Variants in GRM7 observed in about 807,000 individuals in gnomAD.
GRM7 encodes the protein glutamate metabotropic receptor 7, also known as metabotropic glutamate receptor 7.
A neutral mutation model predicts 84.5 loss-of-function variants in GRM7; 35 were observed. That is an observed-to-expected ratio of 0.41 (90% confidence interval 0.32 to 0.55). The LOEUF (loss-of-function observed/expected upper bound fraction) is 0.55. GRM7 is among the 20% of genes least tolerant of loss of function. The pLI is 0.19. For synonymous variants in GRM7, 487 were observed against 455.1 expected (o/e 1.07, Z -0.89); for missense variants, 1,003 against 1,194.6 (o/e 0.84, Z 2.36).
At chr3:7,154,494 G>A (rs1056884643) in intron 2 of GRM7, among the ~76,000 whole-genome samples, 3 of 152,052 alleles carry the variant, frequency 2.0e-5, no homozygotes, top group Admixed American at 2.0e-4. Flanking sequence ...AAATTTGAGA[G>A]GGTATGAAAA....
chr3:7,291,542 CT>C (rs1231787714), intron 2 of GRM7, among the ~76,000 whole-genome samples: 4 of 99,484 alleles, frequency 4.0e-5, no homozygotes, highest in South Asian at 3.1e-4. Context: ...CTCTCTCTCT[CT>C]CTCTCTCTCT....
chr3:7,120,260 A>G (rs1259459223), intron 1 of GRM7, among the ~76,000 whole-genome samples: 1 of 152,118 alleles, frequency 6.6e-6, no homozygotes, highest in Non-Finnish European at 1.5e-5. Flanking sequence ...AGAGATGTAT[A>G]GGAGACTAAA....
At chr3:6,909,630 G>T (rs563257204) in intron 1 of GRM7, among the ~76,000 whole-genome samples, 3 of 151,968 alleles carry the variant, frequency 2.0e-5, no homozygotes, top group Admixed American at 6.6e-5. Context: ...ATATAAAAAA[G>T]AAATGATTTA....
At chr3:7,583,308 CAGAT>C (rs1695351677) in intron 8 of GRM7, among the ~76,000 whole-genome samples, 1 of 152,176 alleles carries the variant, frequency 6.6e-6, no homozygotes, top group Admixed American at 6.5e-5. Context: ...CTGCATGTAA[CAGAT>C]AGCCCCTCAG....
intron 1 of GRM7, among the ~76,000 whole-genome samples, chr3:6,883,194 CTGTT>C (rs1380942649): frequency 2.6e-5 from 4 of 151,914 alleles, no homozygotes; most frequent in South Asian, 2.1e-4. Context: ...TATTTATTGA[CTGTT>C]TGTATTTCTT....
intron 8 of GRM7, among the ~76,000 whole-genome samples, chr3:7,624,483 C>A (rs560585197): frequency 0.02 from 2,975 of 152,276 alleles, 31 homozygotes; most frequent in Non-Finnish European, 0.032. Flanking sequence ...CCTGATAATA[C>A]AGGAATTTCC....
intron 1 of GRM7, among the ~76,000 whole-genome samples, chr3:7,099,537 A>G (rs187377186): frequency 4.7e-5 from 7 of 147,486 alleles, no homozygotes; most frequent in African/African-American, 1.5e-4. Context: ...CGCATTATAC[A>G]TGTACACATA....
chr3:7,547,270 A>G (rs1365555486), intron 7 of GRM7, among the ~76,000 whole-genome samples: 8 of 133,886 alleles, frequency 6.0e-5, no homozygotes, highest in South Asian at 4.6e-4. Flanking sequence ...GCAGTGGCGT[A>G]ATCTCGCCTC....
At chr3:7,385,120 G>A (rs1156385755) in intron 4 of GRM7, among the ~76,000 whole-genome samples, 1 of 151,910 alleles carries the variant, frequency 6.6e-6, no homozygotes, top group Non-Finnish European at 1.5e-5. Context: ...AACTTGATAA[G>A]CCTTTCTCAT....
At chr3:7,109,389 G>A (rs1019331250) in intron 1 of GRM7, among the ~76,000 whole-genome samples, 5 of 152,092 alleles carry the variant, frequency 3.3e-5, no homozygotes, top group Non-Finnish European at 5.9e-5. Context: ...CAAACTCTGC[G>A]TCAACTCTGA....
rs185764612 is a variant in GRM7 at position 7,558,642 on chromosome 3, T to G, written c.1516-19780T>G. ...TTAATAAGACAATTAGGGGTCCACA[T>G]ATTTTAGTAAATAATATTGCCTAAA... On this transcript the variant is annotated intron_variant, in intron 7 of 9. Coordinates refer to ENST00000357716, the MANE Select transcript of GRM7 (RefSeq NM_000844.4). Among the ~76,000 whole-genome samples, 991 of 152,272 alleles carry G rather than the reference T, an allele frequency of 6.5e-3. 8 individuals are homozygous for G. Among genetic ancestry groups the G allele is most frequent in the African/African-American group, 0.022 (921 of 41,566 alleles).
At chr3:6,888,873 GTTC>G (rs1695815328) in intron 1 of GRM7, among the ~76,000 whole-genome samples, 2 of 152,148 alleles carry the variant, frequency 1.3e-5, no homozygotes, top group Admixed American at 1.3e-4. Flanking sequence ...AGCATGGAAT[GTTC>G]TTCTATTTGT....
chr3:7,545,777 T>G (rs957859872), intron 7 of GRM7, among the ~76,000 whole-genome samples: 1 of 152,148 alleles, frequency 6.6e-6, no homozygotes, highest in East Asian at 1.9e-4. Flanking sequence ...GTGTGCTGAT[T>G]ATATGGGTGT....
chr3:7,340,504 T>C (rs577651000), intron 4 of GRM7, among the ~76,000 whole-genome samples: 5 of 152,206 alleles, frequency 3.3e-5, no homozygotes, highest in African/African-American at 1.2e-4. Flanking sequence ...ATGGGAGAAA[T>C]GGCTCTTGTG....
chr3:7,648,250 T>A (rs1252749622), intron 8 of GRM7, among the ~76,000 whole-genome samples: 1,885 of 146,974 alleles, frequency 0.013, 49 homozygotes, highest in African/African-American at 0.048. Context: ...TATAAATAGT[T>A]TTTTTTTTAT....
intron 1 of GRM7, among the ~76,000 whole-genome samples, chr3:7,121,966 T>G (rs144457650): frequency 6.6e-6 from 1 of 152,192 alleles, no homozygotes; most frequent in African/African-American, 2.4e-5. Flanking sequence ...TCACCCCTCA[T>G]GCTCTCTCTG....
intron 7 of GRM7, among the ~76,000 whole-genome samples, chr3:7,547,030 C>T (rs967315038): frequency 4.0e-5 from 6 of 151,854 alleles, no homozygotes; most frequent in Non-Finnish European, 7.4e-5. Context: ...TAAATCAGAA[C>T]GCAATCTGAA....
At chr3:7,317,405 A>G (rs1017224489) in intron 4 of GRM7, among the ~76,000 whole-genome samples, 1 of 152,134 alleles carries the variant, frequency 6.6e-6, no homozygotes, top group Non-Finnish European at 1.5e-5. Flanking sequence ...ACTGTCCTCT[A>G]GAATACCAAG....
At chr3:7,593,388 G>A (rs1695883606) in intron 8 of GRM7, among the ~76,000 whole-genome samples, 1 of 152,170 alleles carries the variant, frequency 6.6e-6, no homozygotes, top group Middle Eastern at 3.2e-3. Flanking sequence ...AGGTGCCAGG[G>A]ATGGAAAGGG....
Sources: gnomAD v4.1 joint callset for allele counts (sites outside exome capture counted in the v4.1 genomes callset) on GRCh38, gnomAD v4.1.1 for gene constraint, MANE v1.5 for transcripts, NCBI Gene and HGNC (gene_info 2026-07-23, HGNC 2026-07-21) for gene names.